GRIA1: variants seen among roughly 807,000 people sequenced by gnomAD.
GRIA1 encodes glutamate receptor 1.
In GRIA1, 31 loss-of-function variants were observed where a neutral mutation model predicts 99.2. The ratio of observed to expected loss-of-function variants is 0.31; its 90% confidence interval spans 0.23 to 0.42. The LOEUF is 0.42. Ranked by LOEUF, GRIA1 falls within the 10% of genes least tolerant of loss-of-function variation. The probability of loss-of-function intolerance (pLI) is 1.00; values close to 1 mark genes in which losing one functional copy is unlikely to be tolerated. For missense variants in GRIA1, 782 were observed against 1,157.5 expected, an observed-to-expected ratio of 0.68 and a Z score of 4.71; for synonymous variants, 438 against 432.4, an observed-to-expected ratio of 1.01 and a Z score of -0.16.
intron 2 of GRIA1, among the ~76,000 whole-genome samples, chr5:153,530,899 G>A (rs1758038750): frequency 6.6e-6 from 1 of 152,242 alleles, no homozygotes; most frequent in African/African-American, 2.4e-5. Context: ...CCAGGAGCTG[G>A]CTATGCAGTG....
At chr5:153,705,555 T>A (rs867501188) in intron 10 of GRIA1, 142 bp from the exon 11 acceptor site, 17 of 1,008,782 alleles carry the variant, frequency 1.7e-5, no homozygotes, top group Middle Eastern at 3.3e-4. Flanking sequence ...GTAGGAGGGG[T>A]TGGACTTCAA....
chr5:153,797,029 C>A (rs1254346399), intron 14 of GRIA1, among the ~76,000 whole-genome samples: 3 of 152,214 alleles, frequency 2.0e-5, no homozygotes, highest in Non-Finnish European at 4.4e-5. Flanking sequence ...CTTGCTCCTT[C>A]CCCTTCCCAC....
chr5:153,627,981 G>A (rs1380685091), intron 2 of GRIA1, among the ~76,000 whole-genome samples: 1 of 151,980 alleles, frequency 6.6e-6, no homozygotes, highest in Non-Finnish European at 1.5e-5. Flanking sequence ...AAGATGGGAG[G>A]CAAACCCAGG....
chr5:153,582,503 T>C (rs1423687989), intron 2 of GRIA1, among the ~76,000 whole-genome samples: 8 of 152,184 alleles, frequency 5.3e-5, no homozygotes, highest in African/African-American at 9.6e-5. Context: ...TAAAAGAGGA[T>C]AGATGTCTCA....
At chr5:153,590,445 C>A (rs557191521) in intron 2 of GRIA1, among the ~76,000 whole-genome samples, 1 of 151,250 alleles carries the variant, frequency 6.6e-6, no homozygotes, top group Non-Finnish European at 1.5e-5. Flanking sequence ...GAGAGACCGC[C>A]AGAGTCCTGT....
chr5:153,623,303 T>G (rs1251153341), intron 2 of GRIA1, among the ~76,000 whole-genome samples: 1 of 152,192 alleles, frequency 6.6e-6, no homozygotes, highest in East Asian at 1.9e-4. Context: ...TTGCCTACCC[T>G]GCAGTACAGA....
rs1055633625 is a variant in GRIA1 at position 153,705,977 on chromosome 5, C to T, written c.1733C>T (p.Thr578Ile). ...EEFEEGRDQT[T>I]SDQSNEFGIF... The stretch of plus-strand genomic sequence containing the variant: ...TTTGAGGAAGGACGGGACCAGACAA[C>T]CAGTGACCAGTCCAATGAGTTTGGG... The change falls in exon 11 of 16, where the codon ACC (threonine) becomes ATC (isoleucine). Residue 578 changes from threonine (T) to isoleucine (I), a missense_variant. By Grantham distance (89) the Thr-to-Ile change is moderately conservative (BLOSUM62 -1). Transcript: ENST00000285900. 5 of 1,613,798 alleles carry T rather than the reference C, an allele frequency of 3.1e-6. No individual in the cohort carries two copies. The highest frequency in any genetic ancestry group is 4.2e-6 in the Non-Finnish European group (5 of 1,179,900).
intron 11 of GRIA1, among the ~76,000 whole-genome samples, chr5:153,738,161 G>A (rs986299967): frequency 2.6e-5 from 4 of 152,202 alleles, no homozygotes; most frequent in African/African-American, 4.8e-5. Context: ...CCTATAGGTT[G>A]GGAAGTGCAA....
Position 153,562,285 on chromosome 5 carries a change from G to T in GRIA1, c.220+68220G>T, listed in dbSNP as rs1052150097. Among the ~76,000 whole-genome samples, 12 of 152,122 alleles carry T rather than the reference G, an allele frequency of 7.9e-5. 1 individual carries two copies. Among genetic ancestry groups the T allele is most frequent in the Admixed American group, 7.9e-4 (12 of 15,272 alleles). On this transcript the variant is annotated intron_variant, in intron 2 of 15. Transcript: ENST00000285900. ...GCCATCTATACCCATTATGTCTGGG[G>T]TGCATATGAGGGAGTTACAGGATGT...
At chr5:153,682,633 C>T (rs1277609027) in intron 7 of GRIA1, among the ~76,000 whole-genome samples, 1 of 152,094 alleles carries the variant, frequency 6.6e-6, no homozygotes, top group Non-Finnish European at 1.5e-5. Context: ...TTCCTCTTAA[C>T]CCCGATGCTT....
intron 2 of GRIA1, among the ~76,000 whole-genome samples, chr5:153,627,509 A>T (rs548070298): frequency 1.3e-5 from 2 of 152,208 alleles, no homozygotes; most frequent in South Asian, 2.1e-4. Flanking sequence ...AATCTAGAAC[A>T]ATTTTTTTCA....
intron 13 of GRIA1, among the ~76,000 whole-genome samples, chr5:153,783,373 C>G (rs1372250577): frequency 6.6e-6 from 1 of 152,200 alleles, no homozygotes; most frequent in African/African-American, 2.4e-5. Flanking sequence ...TGTGTGCCTG[C>G]TGCTGCTGAC....
intron 4 of GRIA1, among the ~76,000 whole-genome samples, chr5:153,650,866 CT>C (rs1344882937): frequency 7.4e-6 from 1 of 135,936 alleles, no homozygotes; most frequent in Admixed American, 8.2e-5. Flanking sequence ...CAAGACCAGC[CT>C]AGCCAACATG....
intron 12 of GRIA1, 144 bp from the exon 13 acceptor site, chr5:153,770,024 T>G (rs1763767231): frequency 1.3e-6 from 1 of 776,124 alleles, no homozygotes; most frequent in Admixed American, 2.3e-5. Context: ...AGCCTCTTAT[T>G]TTGCAATCAC....
intron 11 of GRIA1, among the ~76,000 whole-genome samples, chr5:153,728,172 C>T (rs1234372730): frequency 2.0e-5 from 3 of 152,150 alleles, no homozygotes; most frequent in Non-Finnish European, 2.9e-5. Context: ...GGAAAAGTGG[C>T]TAGCCATATG....
intron 2 of GRIA1, among the ~76,000 whole-genome samples, chr5:153,631,262 C>T (rs182487569): frequency 5.1e-4 from 77 of 152,272 alleles, no homozygotes; most frequent in African/African-American, 1.6e-3. Flanking sequence ...CCACATTCTC[C>T]ACACTCTCTC....
At chr5:153,592,621 A>G (rs1014974534) in intron 2 of GRIA1, among the ~76,000 whole-genome samples, 6 of 152,144 alleles carry the variant, frequency 3.9e-5, no homozygotes, top group African/African-American at 1.4e-4. Flanking sequence ...CTCCCTTTCT[A>G]TCTTGGATTC....
chr5:153,696,537 G>A (rs1758117814), intron 8 of GRIA1, among the ~76,000 whole-genome samples: 1 of 152,190 alleles, frequency 6.6e-6, no homozygotes, highest in Non-Finnish European at 1.5e-5. Context: ...CATCATTAGT[G>A]CTGGCAATTA....
intron 2 of GRIA1, among the ~76,000 whole-genome samples, chr5:153,500,461 G>A (rs1754887895): frequency 6.6e-6 from 1 of 152,010 alleles, no homozygotes; most frequent in Non-Finnish European, 1.5e-5. Context: ...TTCATTACAA[G>A]GCATTGCACT....
Sources: gnomAD v4.1 joint callset for allele counts (sites outside exome capture counted in the v4.1 genomes callset) on GRCh38, gnomAD v4.1.1 for gene constraint, MANE v1.5 for transcripts, NCBI Gene and HGNC (gene_info 2026-07-23, HGNC 2026-07-21) for gene names.